Variants in MTA3 observed in about 807,000 individuals in gnomAD.
MTA3 encodes metastasis-associated protein MTA3.
A neutral mutation model predicts 83.5 loss-of-function variants in MTA3; 34 were observed. That is an observed-to-expected ratio of 0.41 (90% CI 0.31 to 0.54). MTA3 has a LOEUF of 0.54. MTA3 is among the 20% of genes least tolerant of loss of function. MTA3 has a pLI of 0.33. For missense variants in MTA3, 761 were observed against 726.4 expected (o/e 1.05, Z -0.55); for synonymous variants, 303 against 252.7 (o/e 1.20, Z -1.89).
chr2:42,644,636 A>C (rs913486268), intron 6 of MTA3, among the ~76,000 whole-genome samples: 4 of 152,158 alleles, frequency 2.6e-5, no homozygotes, highest in Admixed American at 6.5e-5. Flanking sequence ...CTGTTGAGTA[A>C]GTCATTTGGT....
intron 4 of MTA3, among the ~76,000 whole-genome samples, chr2:42,628,571 A>T (rs1001915335): frequency 6.6e-6 from 1 of 152,190 alleles, no homozygotes; most frequent in Admixed American, 6.5e-5. Context: ...AAGAGGAGAT[A>T]AACACATTGG....
At position 42,533,792 on chromosome 2, in the gene MTA3, A is replaced by T. The variant is rs367948310; in HGVS notation, c.-140-36645A>T. 1.8e-4 allele frequency among the ~76,000 whole-genome samples: 26 copies of T among 146,330 alleles called. No homozygotes were observed. The East Asian group carries it at 4.3e-3, about 24-fold the overall frequency. On this transcript the variant is annotated intron_variant, in intron 2 of 17. Transcript: ENST00000405592. The stretch of plus-strand genomic sequence containing the variant: ...GGGTGCAGTGAGCTGAGATCGTGCC[A>T]CTGCACTCCAGCCTGGGTGACAGAG...
At chr2:42,497,687 C>T (rs1674209003) in intron 2 of MTA3, among the ~76,000 whole-genome samples, 1 of 152,114 alleles carries the variant, frequency 6.6e-6, no homozygotes, top group Admixed American at 6.5e-5. Flanking sequence ...TTCCTTAAAC[C>T]TCATTGATCT....
chr2:42,729,623 G>C (rs896344747), intron 16 of MTA3, among the ~76,000 whole-genome samples: 3 of 151,986 alleles, frequency 2.0e-5, no homozygotes, highest in African/African-American at 7.3e-5. Flanking sequence ...TTTGTTTCTG[G>C]GTTCTCCATT....
At chr2:42,560,396 C>T (rs879661056) in intron 2 of MTA3, among the ~76,000 whole-genome samples, 1 of 151,630 alleles carries the variant, frequency 6.6e-6, no homozygotes, top group African/African-American at 2.4e-5. Context: ...ATAATCTCAG[C>T]ACTCTGGGAG....
chr2:42,719,160 A>G (rs1667234238), intron 15 of MTA3, 86 bp downstream of exon 15: 2 of 982,518 alleles, frequency 2.0e-6, no homozygotes, highest in Admixed American at 2.1e-5. Flanking sequence ...ACATACCTAA[A>G]CTAATTCAGG....
intron 3 of MTA3, among the ~76,000 whole-genome samples, chr2:42,590,634 T>TTTTTTTTTG (rs1553351759): frequency 6.0e-5 from 1 of 16,616 alleles, no homozygotes; most frequent in African/African-American, 1.9e-4. Context: ...TTTTTTTTTG[T>TTTTTTTTTG]GAGGTGGAGT....
chr2:42,576,995 G>A (rs958739297), intron 2 of MTA3, among the ~76,000 whole-genome samples: 1 of 150,966 alleles, frequency 6.6e-6, no homozygotes, highest in East Asian at 1.9e-4. Context: ...TTGGGAGGCT[G>A]AGGCAGGAGG....
At chr2:42,607,038 C>A (rs1683529745) in intron 3 of MTA3, among the ~76,000 whole-genome samples, 1 of 144,396 alleles carries the variant, frequency 6.9e-6, no homozygotes, top group Non-Finnish European at 1.5e-5. Flanking sequence ...AGCTTCGGCT[C>A]CGCATGAGAG....
chr2:42,727,318 G>A, intron 16 of MTA3, among the ~76,000 whole-genome samples: 1 of 152,224 alleles, frequency 6.6e-6, no homozygotes, highest in Non-Finnish European at 1.5e-5. Flanking sequence ...ACAGTGCCTT[G>A]CCAGTCTCCC....
chr2:42,711,570 C>T lies in MTA3; in HGVS notation c.1525+2474C>T, dbSNP rs150519106. Among the ~76,000 whole-genome samples, 5 of 152,102 alleles carry T rather than the reference C, an allele frequency of 3.3e-5. No homozygotes were observed. The East Asian group carries it at 9.7e-4, about 29-fold the overall frequency. ...TTTAAAATGACAGTGTTTCAGCAGCCGTCTACTCTTTTTTATTTTTCAGAC... is the reference window on the plus strand; with the variant it reads ...TTTAAAATGACAGTGTTTCAGCAGCTGTCTACTCTTTTTTATTTTTCAGAC... On this transcript the variant is annotated intron_variant, in intron 14 of 16. Transcript: ENST00000405094.
intron 8 of MTA3, among the ~76,000 whole-genome samples, chr2:42,661,114 A>T (rs531073424): frequency 1.3e-5 from 2 of 152,204 alleles, no homozygotes; most frequent in African/African-American, 4.8e-5. Context: ...CTCCATTGGG[A>T]CATTAATATT....
chr2:42,521,751 C>CTTTTTTTTT (rs35664371), intron 2 of MTA3, among the ~76,000 whole-genome samples: 3 of 106,406 alleles, frequency 2.8e-5, no homozygotes, highest in African/African-American at 7.3e-5. Flanking sequence ...ATCTTTCTCT[C>CTTTTTTTTT]TTTTTTTTTT....
At chr2:42,515,443 C>G (rs184456065) in intron 2 of MTA3, among the ~76,000 whole-genome samples, 3 of 152,264 alleles carry the variant, frequency 2.0e-5, no homozygotes, top group African/African-American at 7.2e-5. Context: ...CTCAACTTCC[C>G]GAGTAGCTGA....
chr2:42,595,795 A>T (rs560262570), intron 3 of MTA3, among the ~76,000 whole-genome samples: 6 of 152,336 alleles, frequency 3.9e-5, no homozygotes, highest in Middle Eastern at 6.8e-3. Flanking sequence ...ATGACTTAGT[A>T]ATAAGTTACA....
chr2:42,650,077 C>G (rs771265221), intron 6 of MTA3, among the ~76,000 whole-genome samples: 1 of 152,150 alleles, frequency 6.6e-6, no homozygotes, highest in Non-Finnish European at 1.5e-5. Flanking sequence ...ATATGAACTT[C>G]TTAACAATGT....
intron 4 of MTA3, among the ~76,000 whole-genome samples, chr2:42,631,295 T>C (rs1459611135): frequency 6.6e-6 from 1 of 152,222 alleles, no homozygotes; most frequent in African/African-American, 2.4e-5. Context: ...AAAAATCCTG[T>C]CACAGCTTAA....
chr2:42,645,609 C>T (rs746066946), intron 6 of MTA3, among the ~76,000 whole-genome samples: 31 of 152,042 alleles, frequency 2.0e-4, no homozygotes, highest in Non-Finnish European at 2.9e-5. Flanking sequence ...GTCTTAGTGG[C>T]GTAGATAGAA....
chr2:42,553,639 G>A (rs1190847416), intron 2 of MTA3, among the ~76,000 whole-genome samples: 11 of 151,286 alleles, frequency 7.3e-5, no homozygotes, highest in Admixed American at 1.3e-4. Context: ...AGAGGCTGAG[G>A]CAGGAGAATG....
Sources: allele counts gnomAD v4.1 joint callset (sites outside exome capture counted in the v4.1 genomes callset), GRCh38; gene constraint gnomAD v4.1.1; transcripts MANE v1.5; gene names NCBI Gene and HGNC (gene_info 2026-07-23, HGNC 2026-07-21).